Variants in VDAC1 observed in about 807,000 individuals in gnomAD.
VDAC1 encodes voltage dependent anion channel 1, also known as non-selective voltage-gated ion channel VDAC1.
VDAC1 carries 10 observed loss-of-function variants against 34.7 expected under a neutral mutation model. That is an observed-to-expected ratio of 0.29 (90% CI 0.18 to 0.49). The LOEUF (loss-of-function observed/expected upper bound fraction) is 0.49, where lower values mean the gene tolerates loss of function less well. Ranked by LOEUF, VDAC1 falls within the 20% of genes least tolerant of loss-of-function variation. VDAC1 has a pLI of 0.99. For synonymous variants in VDAC1, 130 were observed against 136.0 expected (o/e 0.96, Z 0.30); for missense variants, 230 against 347.9 (o/e 0.66, Z 2.69).
chr5:134,043,876 A>AT, the VDAC1 span, among the ~76,000 whole-genome samples: 75 of 151,948 alleles, frequency 4.9e-4, no homozygotes, highest in Non-Finnish European at 8.8e-4. Context: ...TTAAGCTCCC[A>AT]TTTTTTTAGT....
At chr5:134,053,697 CTTAG>C in the VDAC1 span, among the ~76,000 whole-genome samples, 3 of 152,216 alleles carry the variant, frequency 2.0e-5, no homozygotes, top group African/African-American at 4.8e-5. Context: ...TGCTGGGCAA[CTTAG>C]TTAGCATCTC....
At chr5:133,980,491 G>A (rs1752647347) in intron 6 of VDAC1, among the ~76,000 whole-genome samples, 1 of 152,040 alleles carries the variant, frequency 6.6e-6, no homozygotes, top group Non-Finnish European at 1.5e-5. Context: ...GTGTACCTGT[G>A]GCAATATATA....
chr5:134,040,002 C>T, the VDAC1 span, among the ~76,000 whole-genome samples: 1 of 152,214 alleles, frequency 6.6e-6, no homozygotes, highest in South Asian at 2.1e-4. Context: ...CCCTTAGGCG[C>T]AGGAGCTCCT....
At chr5:134,050,558 A>T in the VDAC1 span, among the ~76,000 whole-genome samples, 1 of 152,184 alleles carries the variant, frequency 6.6e-6, no homozygotes, top group Non-Finnish European at 1.5e-5. Context: ...TTCCTAAATT[A>T]CAGGGGAATG....
At chr5:133,990,331 T>C (rs1333359730) in intron 5 of VDAC1, among the ~76,000 whole-genome samples, 2 of 152,142 alleles carry the variant, frequency 1.3e-5, no homozygotes, top group Non-Finnish European at 2.9e-5. Flanking sequence ...CAGTGACCAG[T>C]TAGGCCCTGC....
At chr5:134,019,276 A>T in the VDAC1 span, among the ~76,000 whole-genome samples, 1 of 152,238 alleles carries the variant, frequency 6.6e-6, no homozygotes, top group East Asian at 1.9e-4. Flanking sequence ...ATCACAAAAG[A>T]CTGCAAAAAC....
chr5:134,047,457 A>ACC, the VDAC1 span, among the ~76,000 whole-genome samples: 1 of 152,156 alleles, frequency 6.6e-6, no homozygotes. Flanking sequence ...GGGGCCTCAG[A>ACC]AAAGGACCAT....
intron 5 of VDAC1, among the ~76,000 whole-genome samples, chr5:133,985,921 C>T (rs747938345): frequency 6.6e-6 from 1 of 152,206 alleles, no homozygotes; most frequent in Non-Finnish European, 1.5e-5. Flanking sequence ...GCACCACCTG[C>T]ACCAGTTGAC....
the VDAC1 span, among the ~76,000 whole-genome samples, chr5:134,091,245 C>A: frequency 6.6e-6 from 1 of 152,178 alleles, no homozygotes; most frequent in Non-Finnish European, 1.5e-5. Context: ...AAATAGAGCA[C>A]GGCTTGTGCC....
intron 1 of VDAC1, among the ~76,000 whole-genome samples, chr5:134,002,320 A>G (rs150382188): frequency 1.0e-3 from 152 of 152,282 alleles, no homozygotes; most frequent in Admixed American, 3.0e-3. Flanking sequence ...CCCACTCTAG[A>G]ATAGCAAAAA....
the VDAC1 span, among the ~76,000 whole-genome samples, chr5:134,070,379 T>A: frequency 6.6e-6 from 1 of 152,170 alleles, no homozygotes; most frequent in Non-Finnish European, 1.5e-5. Flanking sequence ...TAGGCTGCTG[T>A]CCGTGATCTG....
the VDAC1 span, among the ~76,000 whole-genome samples, chr5:134,039,564 C>T: frequency 5.3e-5 from 8 of 152,076 alleles, no homozygotes; most frequent in African/African-American, 9.7e-5. Context: ...CTGCTGACCT[C>T]GTGATCCGCC....
intron 5 of VDAC1, among the ~76,000 whole-genome samples, chr5:133,985,590 G>A (rs1752878300): frequency 6.6e-6 from 1 of 152,206 alleles, no homozygotes; most frequent in Non-Finnish European, 1.5e-5. Context: ...GGAGGTGGAG[G>A]TTGCAGTGAG....
the VDAC1 span, among the ~76,000 whole-genome samples, chr5:134,082,935 G>A: frequency 2.0e-5 from 3 of 152,144 alleles, no homozygotes; most frequent in Non-Finnish European, 4.4e-5. Flanking sequence ...TGAAATGTCT[G>A]TATAAATCTT....
At chr5:134,034,147 G>A in the VDAC1 span, among the ~76,000 whole-genome samples, 1 of 151,232 alleles carries the variant, frequency 6.6e-6, no homozygotes, top group Middle Eastern at 3.4e-3. Context: ...CAAGGCACAT[G>A]TTCTCAGGAT....
At chr5:134,017,060 G>C in the VDAC1 span, among the ~76,000 whole-genome samples, 1 of 152,318 alleles carries the variant, frequency 6.6e-6, no homozygotes, top group Admixed American at 6.5e-5. Flanking sequence ...CTGCTTAAAC[G>C]GGAACTTCTT....
chr5:134,078,987 T>C, the VDAC1 span, among the ~76,000 whole-genome samples: 1 of 150,532 alleles, frequency 6.6e-6, no homozygotes, highest in African/African-American at 2.5e-5. Context: ...TTTTTTCTTT[T>C]TTTGAGATAG....
upstream of VDAC1, among the ~76,000 whole-genome samples, chr5:134,005,749 C>T (rs7714811): frequency 9.3e-3 from 1,416 of 152,350 alleles, 24 homozygotes; most frequent in African/African-American, 0.033. Flanking sequence ...TCGTTCACCA[C>T]TGAGTGTCCC....
chr5:134,030,810 A>G, the VDAC1 span, among the ~76,000 whole-genome samples: 7 of 151,956 alleles, frequency 4.6e-5, no homozygotes, highest in African/African-American at 1.4e-4. Context: ...TAGGGGTTTT[A>G]CCATGATGGT....
Sources: gnomAD v4.1 joint callset for allele counts (sites outside exome capture counted in the v4.1 genomes callset) on GRCh38, gnomAD v4.1.1 for gene constraint, MANE v1.5 for transcripts, NCBI Gene and HGNC (gene_info 2026-07-23, HGNC 2026-07-21) for gene names.